NRG1: variants seen among roughly 807,000 people sequenced by gnomAD.
NRG1 encodes the protein neuregulin 1.
In NRG1, 18 loss-of-function variants were observed where a neutral mutation model predicts 63.8. That is an observed-to-expected ratio of 0.28 (90% confidence interval 0.19 to 0.42). NRG1 has a LOEUF of 0.42. Among genes scored for constraint, NRG1 ranks in the 10% least tolerant of loss-of-function variants. NRG1 has a pLI of 1.00. For synonymous variants in NRG1, 302 were observed against 301.3 expected (o/e 1.00, Z -0.02); for missense variants, 762 against 814.7 (o/e 0.94, Z 0.79).
intron 1 of NRG1, among the ~76,000 whole-genome samples, chr8:32,588,094 G>T (rs1841938424): frequency 2.0e-5 from 3 of 151,824 alleles, no homozygotes; most frequent in African/African-American, 7.3e-5. Flanking sequence ...GCTAATTTTT[G>T]TATTTTTAGT....
chr8:31,803,886 C>T (rs1822030148), intron 1 of NRG1, among the ~76,000 whole-genome samples: 11 of 152,136 alleles, frequency 7.2e-5, no homozygotes, highest in Admixed American at 7.2e-4. Flanking sequence ...GACACATTTC[C>T]ATCTCAGGGC....
chr8:32,187,879 C>T (rs140338009), intron 1 of NRG1, among the ~76,000 whole-genome samples: 26 of 152,326 alleles, frequency 1.7e-4, no homozygotes, highest in African/African-American at 6.0e-4. Flanking sequence ...AGTGCCTGCA[C>T]TTGGGGCAAC....
At chr8:32,527,847 T>C (rs1554572748) in intron 1 of NRG1, among the ~76,000 whole-genome samples, 1 of 152,158 alleles carries the variant, frequency 6.6e-6, no homozygotes, top group Non-Finnish European at 1.5e-5. Context: ...CTTCTTTTTT[T>C]CACACCCCAC....
At chr8:32,578,883 T>G (rs1840140149) in intron 1 of NRG1, among the ~76,000 whole-genome samples, 1 of 152,140 alleles carries the variant, frequency 6.6e-6, no homozygotes, top group Non-Finnish European at 1.5e-5. Flanking sequence ...CCTTCCCAAG[T>G]GAGGGATTTC....
chr8:32,065,257 G>T (rs1017012471), intron 1 of NRG1, among the ~76,000 whole-genome samples: 5 of 151,880 alleles, frequency 3.3e-5, no homozygotes, highest in Non-Finnish European at 7.4e-5. Flanking sequence ...CAACGTGCAG[G>T]TTTGTTACAT....
intron 5 of NRG1, among the ~76,000 whole-genome samples, chr8:32,632,514 ACT>A (rs1386658271): frequency 1.4e-5 from 2 of 143,170 alleles, no homozygotes; most frequent in Non-Finnish European, 3.0e-5. Flanking sequence ...ACGCCATTGC[ACT>A]CCAGCCTGGG....
intron 1 of NRG1, among the ~76,000 whole-genome samples, chr8:31,756,072 A>AAC (rs1816937213): frequency 6.6e-6 from 1 of 152,136 alleles, no homozygotes; most frequent in Non-Finnish European, 1.5e-5. Context: ...TTGTTTATAT[A>AAC]ACACAATCTG....
At chr8:32,220,037 A>G (rs1845646307) in intron 1 of NRG1, among the ~76,000 whole-genome samples, 1 of 152,118 alleles carries the variant, frequency 6.6e-6, no homozygotes, top group African/African-American at 2.4e-5. Flanking sequence ...CTGGAAGAAA[A>G]AAGAGAAGGG....
intron 1 of NRG1, among the ~76,000 whole-genome samples, chr8:32,494,861 T>A (rs1827009455): frequency 6.6e-6 from 1 of 152,168 alleles, no homozygotes; most frequent in East Asian, 1.9e-4. Context: ...TGTTTCCAAA[T>A]CTTCAAATAC....
chr8:32,572,542 A>G (rs1351063971), intron 1 of NRG1, among the ~76,000 whole-genome samples: 1 of 152,190 alleles, frequency 6.6e-6, no homozygotes, highest in Non-Finnish European at 1.5e-5. Flanking sequence ...TTTCAATTAC[A>G]TCTTATTTCA....
At chr8:31,891,470 A>G (rs963570088) in intron 1 of NRG1, among the ~76,000 whole-genome samples, 2 of 152,208 alleles carry the variant, frequency 1.3e-5, no homozygotes, top group Non-Finnish European at 2.9e-5. Flanking sequence ...TGGCTAAAAT[A>G]AAAAGATTAG....
chr8:32,250,190 GT>G (rs1404255295), intron 1 of NRG1, among the ~76,000 whole-genome samples: 1 of 152,058 alleles, frequency 6.6e-6, no homozygotes, highest in Non-Finnish European at 1.5e-5. Context: ...AATGTTTACT[GT>G]TTTACCTTCC....
At chr8:31,889,466 A>G (rs1344356285) in intron 1 of NRG1, among the ~76,000 whole-genome samples, 1 of 152,198 alleles carries the variant, frequency 6.6e-6, no homozygotes, top group African/African-American at 2.4e-5. Flanking sequence ...ATTTCTGAAT[A>G]TACTGAGGAA....
At chr8:31,736,921 C>G (rs918552592) in intron 1 of NRG1, among the ~76,000 whole-genome samples, 6 of 152,138 alleles carry the variant, frequency 3.9e-5, no homozygotes, top group African/African-American at 1.4e-4. Flanking sequence ...AGTCCTATTA[C>G]CTCTGAGACC....
intron 1 of NRG1, among the ~76,000 whole-genome samples, chr8:32,492,075 G>T (rs1826652293): frequency 6.6e-6 from 1 of 151,288 alleles, no homozygotes. Flanking sequence ...ACTCATCAAA[G>T]AAATGTATCC....
intron 1 of NRG1, among the ~76,000 whole-genome samples, chr8:32,072,673 A>G (rs941444931): frequency 6.6e-5 from 10 of 152,212 alleles, no homozygotes; most frequent in African/African-American, 1.7e-4. Context: ...GGCAAATAAC[A>G]TAACTGCTTA....
In NRG1 at chr8:32,675,769, G is replaced by A. The variant is rs115384644; in HGVS notation, c.503-52180G>A. 4.3e-3 allele frequency among the ~76,000 whole-genome samples: 661 copies of A among 152,238 alleles called. 8 individuals are homozygous for A. Among genetic ancestry groups the A allele is most frequent in the African/African-American group, 0.015 (644 of 41,554 alleles). ...GAAGAAAGAGAACTATTACAAACACGCATTTATAAGGCAGCTTTTAATCAT... is the reference window on the plus strand; with the variant it reads ...GAAGAAAGAGAACTATTACAAACACACATTTATAAGGCAGCTTTTAATCAT... On this transcript the variant is annotated intron_variant, in intron 5 of 11. Coordinates refer to ENST00000356819, the Ensembl canonical transcript of NRG1.
chr8:32,711,500 C>T (rs1817808374), intron 5 of NRG1, among the ~76,000 whole-genome samples: 1 of 152,066 alleles, frequency 6.6e-6, no homozygotes, highest in African/African-American at 2.4e-5. Flanking sequence ...TGCCAAACAC[C>T]TACTGGTCGT....
At chr8:32,593,931 A>C (rs1417470296) in intron 1 of NRG1, among the ~76,000 whole-genome samples, 2 of 151,428 alleles carry the variant, frequency 1.3e-5, no homozygotes, top group African/African-American at 4.9e-5. Flanking sequence ...CATGTTTTCT[A>C]ATTTGCCAGT....
Sources: allele counts gnomAD v4.1 joint callset (sites outside exome capture counted in the v4.1 genomes callset), GRCh38; gene constraint gnomAD v4.1.1; transcripts MANE v1.5; gene names NCBI Gene and HGNC (gene_info 2026-07-23, HGNC 2026-07-21).